The following PDXK variants were observed in gnomAD, a reference collection of about 807,000 sequenced individuals.
The protein encoded by PDXK is pyridoxal kinase.
Under a neutral mutation model 43.2 loss-of-function variants are expected in PDXK, and 15 were observed. That is an observed-to-expected ratio of 0.35 (90% CI 0.23 to 0.53). The LOEUF (loss-of-function observed/expected upper bound fraction) is 0.53, where lower values mean the gene tolerates loss of function less well. Among genes scored for constraint, PDXK ranks in the 20% least tolerant of loss-of-function variants. PDXK has a pLI of 0.92. For synonymous variants in PDXK, 172 were observed against 165.4 expected (o/e 1.04, Z -0.31); for missense variants, 343 against 417.0 (o/e 0.82, Z 1.54).
chr21:43,721,276 A>G (rs56260550), intron 1 of PDXK, among the ~76,000 whole-genome samples: 3,021 of 152,336 alleles, frequency 0.02, 95 homozygotes, highest in African/African-American at 0.067. Context: ...CTGCAGTTCC[A>G]AGGGGACGTG....
At chr21:43,733,228 G>A (rs2083343798) in intron 1 of PDXK, among the ~76,000 whole-genome samples, 1 of 146,186 alleles carries the variant, frequency 6.8e-6, no homozygotes, top group African/African-American at 2.5e-5. Context: ...AATGTGGGAA[G>A]CCCCGGAAGC....
At chr21:43,719,986 C>T (rs911887262) in intron 1 of PDXK, 1 of 893,334 alleles carries the variant, frequency 1.1e-6, no homozygotes, top group Admixed American at 6.2e-5. Context: ...GCTCTGCACC[C>T]TCTAGCAGAG....
rs575978865 is a variant in PDXK, at chr21:43,760,595, C to G, written c.*4532C>G. ...CAGGGCCAGGTCCCTGCGTCCATCC[C>G]CCCCGGTAGGATGGACGTGAGCCAT... On this transcript the variant is annotated 3_prime_UTR_variant, in exon 11 of 11. Coordinates refer to ENST00000291565, the MANE Select transcript of PDXK (RefSeq NM_003681.5). The G allele has an allele frequency of 3.3e-5, 5 of 152,392 alleles. No homozygotes were observed. The highest frequency in any genetic ancestry group is 2.6e-4 in the Admixed American group (4 of 15,310). The allele number at this position is 152,392 out of a possible 1,614,324, so 9.4% of individuals were successfully genotyped here. A position where few individuals can be genotyped will look rare whatever the true frequency, so the allele number is the denominator to read the frequency against.
intron 3 of PDXK, 58 bp downstream of exon 3, chr21:43,741,829 G>A: frequency 2.5e-6 from 3 of 1,188,986 alleles, no homozygotes; most frequent in East Asian, 2.3e-5. Context: ...GCCAGGGTGG[G>A]CTCAGGGAGG....
intron 3 of PDXK, 72 bp from the exon 4 acceptor site, chr21:43,743,652 C>T: frequency 4.5e-6 from 5 of 1,105,234 alleles, no homozygotes; most frequent in South Asian, 3.8e-5. Flanking sequence ...TGGTGCTTCT[C>T]TTTCTTTGTG....
Position 43,732,496 on chromosome 21 carries a change from T to A in PDXK, c.88-1573T>A. On this transcript the variant is annotated intron_variant, in intron 1 of 10. Coordinates refer to ENST00000291565, the MANE Select transcript of PDXK (RefSeq NM_003681.5). This position sits in a 1 kb window ranked among gnomAD's most constrained non-coding sequence, Gnocchi z 4.1. ...GGCTCAGCTTGCTCGTGCTCTCATT[T>A]AAAAGCAGAAAATAGCGACTTCATT... is the stretch of plus-strand genomic sequence containing the variant. The A allele has an allele frequency of 6.6e-7, 1 of 1,515,332 alleles. No homozygotes were observed. Among genetic ancestry groups the A allele is most frequent in the Non-Finnish European group, 9.2e-7 (1 of 1,090,746 alleles). 93.9% of individuals were successfully genotyped at this position (1,515,332 alleles called of 1,614,324 possible).
At chr21:43,753,824 TG>T in intron 9 of PDXK, 105 bp downstream of exon 9, 1 of 1,297,076 alleles carries the variant, frequency 7.7e-7, no homozygotes, top group Non-Finnish European at 1.1e-6. Context: ...TGACAGGGCA[TG>T]GCCCTGAGTG....
chr21:43,748,923 T>C (rs958274674), intron 5 of PDXK, 72 bp from the exon 6 acceptor site: 1 of 908,750 alleles, frequency 1.1e-6, no homozygotes, highest in African/African-American at 1.7e-5. Flanking sequence ...CGTGGTGGGC[T>C]TCCCTCCGCG....
intron 2 of PDXK, among the ~76,000 whole-genome samples, chr21:43,736,120 GTTGTTGTTTT>G (rs993436357): frequency 1.8e-4 from 28 of 151,818 alleles, no homozygotes; most frequent in Non-Finnish European, 2.9e-5. Flanking sequence ...GAGTTTTTTT[GTTGTTGTTTT>G]TCCTTTTTGT....
At chr21:43,740,890 G>C (rs1056044360) in intron 2 of PDXK, 36 of 151,408 alleles carry the variant, frequency 2.4e-4, no homozygotes, top group African/African-American at 8.5e-4. Flanking sequence ...CAGGGTATCC[G>C]GGTGACAGTG....
At chr21:43,739,871 T>G (rs1415136683) in intron 2 of PDXK, among the ~76,000 whole-genome samples, 2 of 151,730 alleles carry the variant, frequency 1.3e-5, no homozygotes, top group Non-Finnish European at 2.9e-5. Context: ...GAGGGACCAT[T>G]GCTCACCTCC....
In PDXK at chr21:43,753,603, G is replaced by A. The variant is rs367927142; in HGVS notation, c.643G>A (p.Val215Met). Residue 215 changes from valine (V) to methionine (M), a missense_variant, in exon 9 of 11, where the codon GTG becomes ATG. Coordinates refer to ENST00000291565, the MANE Select transcript of PDXK (RefSeq NM_003681.5). ...CCTAGGGAATCCCGCTGGCTCCGTG[G>A]TGATGGAACGCATCCGGATGGACAT... ...QRRRNPAGSV[V>M]MERIRMDIRK... 2 of 1,613,084 alleles carry A rather than the reference G, an allele frequency of 1.2e-6. No homozygotes were observed. Among genetic ancestry groups the A allele is most frequent in the African/African-American group, 1.3e-5 (1 of 74,916 alleles).
rs1402157082 is a variant in PDXK, at chr21:43,719,129, G to A, written c.-166G>A. 4.3e-5 allele frequency: 13 copies of A among 300,724 alleles called. No homozygotes were observed. Among genetic ancestry groups the A allele is most frequent in the Non-Finnish European group, 7.2e-5 (12 of 166,260 alleles). 18.6% of individuals were successfully genotyped at this position (300,724 alleles called of 1,614,324 possible). On this transcript the variant is annotated 5_prime_UTR_variant, in exon 1 of 11. Transcript: ENST00000291565. ...CGCGGGTTCGGAGCCGCCCGCTGAG[G>A]TCAGAAGGAGGCGTCTGCGCTGATC...
At chr21:43,729,223 C>T (rs548145561) in intron 1 of PDXK, among the ~76,000 whole-genome samples, 1 of 152,394 alleles carries the variant, frequency 6.6e-6, no homozygotes, top group South Asian at 2.1e-4. Flanking sequence ...CGGAGACAGC[C>T]AGGCTGTCCT....
intron 1 of PDXK, among the ~76,000 whole-genome samples, chr21:43,726,811 G>A (rs1453827164): frequency 1.3e-5 from 2 of 151,756 alleles, no homozygotes; most frequent in Admixed American, 6.6e-5. Context: ...TGTACGTGGT[G>A]TGTTTGTGTA....
In PDXK at chr21:43,754,528, T is replaced by C. The variant is rs968086324; in HGVS notation, c.759+809T>C. ...CGAGGACGCCTGGAGTGTGTCTTCT[T>C]ACAACACCGTCCAGAGCCGTGCTGT... On this transcript the variant is annotated intron_variant, in intron 9 of 10. Transcript: ENST00000291565. The surrounding 1 kb of genome is among the most constrained non-coding windows in gnomAD (Gnocchi z 5.5). Among the ~76,000 whole-genome samples, 11 of 152,110 alleles carry C rather than the reference T, an allele frequency of 7.2e-5. No individual in the cohort carries two copies. Among genetic ancestry groups the C allele is most frequent in the Non-Finnish European group, 1.0e-4 (7 of 67,994 alleles).
chr21:43,753,233 C>T (rs2083785360), intron 8 of PDXK, among the ~76,000 whole-genome samples: 1 of 152,154 alleles, frequency 6.6e-6, no homozygotes, highest in South Asian at 2.1e-4. Flanking sequence ...CACATGCATA[C>T]ACACGGACAC....
chr21:43,743,627 C>G, intron 3 of PDXK, 97 bp from the exon 4 acceptor site: 2 of 867,988 alleles, frequency 2.3e-6, no homozygotes. Context: ...CCAGCCACCC[C>G]TCTGCAGGGT....
rs1345248517 is a variant in PDXK at position 43,735,920 on chromosome 21, G to C, written c.142+1797G>C. Among the ~76,000 whole-genome samples, 1 of 152,170 alleles carries C rather than the reference G, an allele frequency of 6.6e-6. No homozygotes were observed. The highest frequency in any genetic ancestry group is 1.5e-5 in the Non-Finnish European group (1 of 68,018). ...CCCTGCCACACTGTGCTGCTGGGGAGTGAGGCTGGTGCATCGTGTACCTGC... is the reference window on the plus strand; with the variant it reads ...CCCTGCCACACTGTGCTGCTGGGGACTGAGGCTGGTGCATCGTGTACCTGC... On this transcript the variant is annotated intron_variant, in intron 2 of 10. Coordinates refer to ENST00000291565, the MANE Select transcript of PDXK (RefSeq NM_003681.5). The surrounding 1 kb of genome is among the most constrained non-coding windows in gnomAD (Gnocchi z 5.3).
Sources: gnomAD v4.1 joint callset for allele counts (sites outside exome capture counted in the v4.1 genomes callset) on GRCh38, gnomAD v4.1.1 for gene constraint, Gnocchi (gnomAD v3.1) non-coding constraint, MANE v1.5 for transcripts, NCBI Gene and HGNC (gene_info 2026-07-23, HGNC 2026-07-21) for gene names.